The following GRIA1 variants were observed in gnomAD, a reference collection of about 807,000 sequenced individuals.
GRIA1 encodes glutamate receptor 1.
In GRIA1, 31 loss-of-function variants were observed where a neutral mutation model predicts 99.2. That is an observed-to-expected ratio of 0.31 (90% CI 0.23 to 0.42). The LOEUF is 0.42. GRIA1 is among the 10% of genes least tolerant of loss of function. The pLI is 1.00. For synonymous variants in GRIA1, 438 were observed against 432.4 expected (o/e 1.01, Z -0.16); for missense variants, 782 against 1,157.5 (o/e 0.68, Z 4.71).
chr5:153,684,653 A>G (rs1325255165), intron 7 of GRIA1, among the ~76,000 whole-genome samples: 1 of 152,240 alleles, frequency 6.6e-6, no homozygotes, highest in Non-Finnish European at 1.5e-5. Context: ...ACTATCTTGA[A>G]CTGGAAATAA....
intron 2 of GRIA1, among the ~76,000 whole-genome samples, chr5:153,646,277 C>T (rs940566803): frequency 8.3e-6 from 1 of 119,908 alleles, no homozygotes; most frequent in Non-Finnish European, 1.9e-5. Context: ...GACAAATGAA[C>T]ACTGAGAGTT....
chr5:153,727,434 G>A (rs914697618), intron 11 of GRIA1, among the ~76,000 whole-genome samples: 124 of 152,282 alleles, frequency 8.1e-4, no homozygotes, highest in African/African-American at 2.9e-3. Flanking sequence ...TAGGAAAAGA[G>A]GAAGTCAAAT....
intron 2 of GRIA1, among the ~76,000 whole-genome samples, chr5:153,634,336 A>AT (rs1185149263): frequency 2.0e-5 from 3 of 151,690 alleles, no homozygotes; most frequent in Non-Finnish European, 4.4e-5. Flanking sequence ...AAAAGAAAAA[A>AT]AAAAGAGTAG....
At chr5:153,568,496 GT>G (rs1239181903) in intron 2 of GRIA1, among the ~76,000 whole-genome samples, 2 of 151,780 alleles carry the variant, frequency 1.3e-5, no homozygotes, top group African/African-American at 2.4e-5. Context: ...GATTCAAATG[GT>G]TTTTTTTAAT....
chr5:153,548,294 G>A lies in GRIA1; in HGVS notation c.220+54229G>A, dbSNP rs139252614. Among the ~76,000 whole-genome samples, 706 of 152,258 alleles carry A rather than the reference G, an allele frequency of 4.6e-3. 4 individuals are homozygous for A. The highest frequency in any genetic ancestry group is 7.1e-3 in the Non-Finnish European group (483 of 68,008). ...AGCTCAGCACTTTCTCGTGAGCTCC[G>A]CATGGTCCTGGGATGGCCTGAGGTG... On this transcript the variant is annotated intron_variant, in intron 2 of 15. Coordinates refer to ENST00000285900, the MANE Select transcript of GRIA1 (RefSeq NM_000827.4).
At chr5:153,750,224 G>A (rs531228759) in intron 11 of GRIA1, among the ~76,000 whole-genome samples, 16 of 152,276 alleles carry the variant, frequency 1.1e-4, no homozygotes, top group African/African-American at 2.2e-4. Flanking sequence ...AGTATCAAGT[G>A]AGCCTCTCTC....
At chr5:153,530,596 T>C (rs749550938) in intron 2 of GRIA1, among the ~76,000 whole-genome samples, 9 of 152,246 alleles carry the variant, frequency 5.9e-5, no homozygotes, top group Non-Finnish European at 1.0e-4. Flanking sequence ...TAGTTTCCGC[T>C]GTGCTGTTAC....
At chr5:153,604,212 T>C (rs754239201) in intron 2 of GRIA1, among the ~76,000 whole-genome samples, 1 of 152,110 alleles carries the variant, frequency 6.6e-6, no homozygotes, top group Non-Finnish European at 1.5e-5. Flanking sequence ...AGTCTCTATA[T>C]ACAAATAAAG....
chr5:153,771,138 T>A (rs1413459828), intron 13 of GRIA1, among the ~76,000 whole-genome samples: 1 of 152,200 alleles, frequency 6.6e-6, no homozygotes, highest in African/African-American at 2.4e-5. Context: ...TTCCAGCCCT[T>A]AGTTTCCTCA....
In GRIA1 at chr5:153,720,874, T is replaced by G. The variant is rs1760009093; in HGVS notation, c.1823+14807T>G. ...CATAGAAATAAGGAACACCAAGTCTTTCCTTTTATGATGTGTATAGTCTCA... is the reference window on the plus strand; with the variant it reads ...CATAGAAATAAGGAACACCAAGTCTGTCCTTTTATGATGTGTATAGTCTCA... On this transcript the variant is annotated intron_variant, in intron 11 of 15. Coordinates refer to ENST00000285900, the MANE Select transcript of GRIA1 (RefSeq NM_000827.4). 2.0e-5 allele frequency among the ~76,000 whole-genome samples: 3 copies of G among 152,194 alleles called. No individual in the cohort carries two copies. The South Asian group carries it at 6.2e-4, about 32-fold the overall frequency.
At chr5:153,783,728 T>C (rs1400373571) in intron 13 of GRIA1, among the ~76,000 whole-genome samples, 1 of 152,204 alleles carries the variant, frequency 6.6e-6, no homozygotes, top group East Asian at 1.9e-4. Context: ...CAACAAACAT[T>C]TATGAAGCAG....
At chr5:153,722,158 T>G (rs1378338397) in intron 11 of GRIA1, among the ~76,000 whole-genome samples, 1 of 152,214 alleles carries the variant, frequency 6.6e-6, no homozygotes, top group African/African-American at 2.4e-5. Flanking sequence ...ACTTTTCTGT[T>G]AGGTCATCTG....
intron 2 of GRIA1, among the ~76,000 whole-genome samples, chr5:153,636,206 A>G (rs561877849): frequency 9.9e-5 from 15 of 152,248 alleles, no homozygotes; most frequent in East Asian, 7.7e-4. Flanking sequence ...TCATCTGTTC[A>G]TGGGTTTAAA....
chr5:153,634,183 T>C (rs1246825393), intron 2 of GRIA1, among the ~76,000 whole-genome samples: 4 of 151,848 alleles, frequency 2.6e-5, no homozygotes, highest in Non-Finnish European at 4.4e-5. Context: ...CCAGTCGTGA[T>C]GGCAGGCACC....
intron 14 of GRIA1, among the ~76,000 whole-genome samples, chr5:153,799,540 C>T (rs1367661809): frequency 6.6e-6 from 1 of 152,216 alleles, no homozygotes; most frequent in Non-Finnish European, 1.5e-5. Context: ...AGTCCTTCAT[C>T]CCACATCCTA....
rs1421139721 is a variant in GRIA1, at chr5:153,493,942, A to T, written c.97A>T (p.Asn33Tyr). The T allele has an allele frequency of 1.2e-6, 2 of 1,613,970 alleles. No homozygotes were observed. The highest frequency in any genetic ancestry group is 1.7e-6 in the Non-Finnish European group (2 of 1,179,944). The stretch of plus-strand genomic sequence containing the variant: ...TTTTCTCATAGGGGGATTATTTCCA[A>T]ACCAGCAGTCACAGGAACATGCTGC... ...NNIQIGGLFPNQQSQEHAAFR... is the reference protein window; with the variant it reads ...NNIQIGGLFPYQQSQEHAAFR... The change falls in exon 2 of 16, where the codon AAC becomes TAC. Residue 33 changes from asparagine (N) to tyrosine (Y), a missense_variant. Transcript: ENST00000285900.
chr5:153,741,670 A>G (rs1761798115), intron 11 of GRIA1, among the ~76,000 whole-genome samples: 1 of 152,208 alleles, frequency 6.6e-6, no homozygotes. Flanking sequence ...CAAATACCGC[A>G]TGGTTCCACT....
intron 1 of GRIA1, among the ~76,000 whole-genome samples, chr5:153,493,082 A>G (rs1440068791): frequency 6.6e-6 from 1 of 152,254 alleles, no homozygotes; most frequent in Non-Finnish European, 1.5e-5. Flanking sequence ...GACAGTAAAT[A>G]CAAAGGTAAG....
intron 2 of GRIA1, among the ~76,000 whole-genome samples, chr5:153,535,628 T>G (rs915964972): frequency 6.6e-6 from 1 of 152,220 alleles, no homozygotes; most frequent in African/African-American, 2.4e-5. Context: ...TGGTCTCAAG[T>G]TGGCACTATT....
Sources: gnomAD v4.1 joint callset for allele counts (sites outside exome capture counted in the v4.1 genomes callset) on GRCh38, gnomAD v4.1.1 for gene constraint, MANE v1.5 for transcripts, NCBI Gene and HGNC (gene_info 2026-07-23, HGNC 2026-07-21) for gene names.